MAPKBP1: variants seen among roughly 807,000 people sequenced by gnomAD.
MAPKBP1 encodes the protein mitogen-activated protein kinase binding protein 1.
In MAPKBP1, 71 loss-of-function variants were observed where a neutral mutation model predicts 170.5. That is an observed-to-expected ratio of 0.42 (90% CI 0.34 to 0.51). MAPKBP1 has a LOEUF of 0.51. Ranked by LOEUF, MAPKBP1 falls within the 20% of genes least tolerant of loss-of-function variation. MAPKBP1 has a pLI of 0.06. For missense variants in MAPKBP1, 1,598 were observed against 1,933.0 expected, an observed-to-expected ratio of 0.83 and a Z score of 3.25; for synonymous variants, 719 against 757.9, an observed-to-expected ratio of 0.95 and a Z score of 0.84.
At chr15:41,783,346 T>C (rs937320049) in intron 2 of MAPKBP1, among the ~76,000 whole-genome samples, 1 of 152,060 alleles carries the variant, frequency 6.6e-6, no homozygotes, top group African/African-American at 2.4e-5. Flanking sequence ...CCTCTTCCAG[T>C]TGGGAAAAAA....
At chr15:41,783,213 A>G (rs1176232215) in intron 2 of MAPKBP1, among the ~76,000 whole-genome samples, 2 of 152,204 alleles carry the variant, frequency 1.3e-5, no homozygotes, top group East Asian at 3.9e-4. Flanking sequence ...TTTGTAGCTC[A>G]TGCTCTTGAG....
intron 3 of MAPKBP1, among the ~76,000 whole-genome samples, chr15:41,808,988 C>G (rs1042418208): frequency 6.6e-6 from 1 of 151,590 alleles, no homozygotes; most frequent in Non-Finnish European, 1.5e-5. Flanking sequence ...ATTGCTTGAG[C>G]CCAGGAGGTC....
At chr15:41,811,852 G>A in intron 5 of MAPKBP1, 105 bp from the exon 6 acceptor site, 1 of 1,122,870 alleles carries the variant, frequency 8.9e-7, no homozygotes, top group Non-Finnish European at 1.3e-6. Context: ...GGAAGTGATG[G>A]TATCTAGTAG....
At chr15:41,781,330 C>A (rs911791070) in intron 2 of MAPKBP1, among the ~76,000 whole-genome samples, 1 of 151,994 alleles carries the variant, frequency 6.6e-6, no homozygotes, top group Non-Finnish European at 1.5e-5. Flanking sequence ...CCTGCCTCGG[C>A]CTCCAAAAGT....
intron 3 of MAPKBP1, 197 bp from the exon 4 acceptor site, chr15:41,810,686 C>T (rs1167650271): frequency 2.5e-4 from 139 of 566,022 alleles, no homozygotes; most frequent in Admixed American, 4.2e-4. Context: ...CCACTGCACT[C>T]TGGCTGGGAT....
At chr15:41,819,548 G>GGGT (rs1555454029) in intron 21 of MAPKBP1, 47 bp from the exon 22 acceptor site, 14 of 993,418 alleles carry the variant, frequency 1.4e-5, no homozygotes, top group Middle Eastern at 2.4e-4. Context: ...GTTGGGTGGC[G>GGGT]GGGGGGGGGC....
rs537121387 is a variant in MAPKBP1 at position 41,821,779 on chromosome 15, T to A, written c.2885+29T>A. ...AGGATCCTGCCCTAGCCAGACCCCG[T>A]GCCCCCGTCTTCCCCTCCCTATGAG... On this transcript the variant is annotated intron_variant, in intron 24 of 30. Transcript: ENST00000457542. 105 of 1,612,196 alleles carry A rather than the reference T, an allele frequency of 6.5e-5. No individual in the cohort carries two copies. In the Admixed American group the frequency reaches 8.0e-4, roughly 12 times the overall value.
chr15:41,816,755 G>T (rs1306368453), intron 13 of MAPKBP1, 105 bp downstream of exon 13: 104 of 1,442,850 alleles, frequency 7.2e-5, no homozygotes, highest in Non-Finnish European at 2.2e-5. Flanking sequence ...TGGATCATTG[G>T]TGTCTTTGCT....
intron 9 of MAPKBP1, among the ~76,000 whole-genome samples, chr15:41,814,229 G>A (rs151183094): frequency 9.2e-5 from 14 of 152,344 alleles, no homozygotes; most frequent in Non-Finnish European, 1.6e-4. Context: ...GTCATGGTTC[G>A]TTGTGGTTTG....
chr15:41,777,283 G>T (rs1044795810), intron 2 of MAPKBP1, among the ~76,000 whole-genome samples: 2 of 151,456 alleles, frequency 1.3e-5, no homozygotes, highest in African/African-American at 4.9e-5. Context: ...TGAGGTTGCA[G>T]TGAGCTCAGA....
chr15:41,782,023 C>T (rs569715558), intron 2 of MAPKBP1, among the ~76,000 whole-genome samples: 20 of 147,022 alleles, frequency 1.4e-4, no homozygotes, highest in Non-Finnish European at 2.1e-4. Context: ...CCGAGGCGGG[C>T]GGATCATGAG....
In MAPKBP1 at chr15:41,816,669, A is replaced by T; in HGVS notation, c.1585+19A>T. 1 of 1,606,938 alleles carries T rather than the reference A, an allele frequency of 6.2e-7. No homozygotes were observed. Among genetic ancestry groups the T allele is most frequent in the Non-Finnish European group, 8.5e-7 (1 of 1,174,212 alleles). On this transcript the variant is annotated intron_variant, in intron 13 of 30. Transcript: ENST00000457542. ...GACACAGGTTAGGAGAATGCCCGGA[A>T]TGGCACAGGGCTCCTCCAGTCCTGC...
chr15:41,822,700 A>C (rs2065021257), intron 27 of MAPKBP1, 23 bp downstream of exon 27: 2 of 1,613,030 alleles, frequency 1.2e-6, no homozygotes, highest in Non-Finnish European at 1.7e-6. Context: ...CCTACCCCCC[A>C]GCAGCAGCTC....
rs781101147 is a variant in MAPKBP1 at position 41,789,196 on chromosome 15, G to A, written c.115-10627G>A. ...GTTTAAGAAAATCAGGTGTGTAGAGGAATTAGATCCTTTTGATGACCAGAT... is the reference window on the plus strand; with the variant it reads ...GTTTAAGAAAATCAGGTGTGTAGAGAAATTAGATCCTTTTGATGACCAGAT... On this transcript the variant is annotated intron_variant, in intron 2 of 30. Transcript: ENST00000457542. Among the ~76,000 whole-genome samples, 13 of 152,078 alleles carry A rather than the reference G, an allele frequency of 8.5e-5. 1 individual carries two copies. The highest frequency in any genetic ancestry group is 1.3e-4 in the Non-Finnish European group (9 of 68,020).
At chr15:41,775,135 CTG>C (rs1287663513) in intron 1 of MAPKBP1, 30 bp from the exon 2 acceptor site, 1 of 649,290 alleles carries the variant, frequency 1.5e-6, no homozygotes, top group African/African-American at 1.8e-5. Context: ...AGGTAAGACA[CTG>C]TGATACTAAG....
chr15:41,789,088 C>A (rs1010802194), intron 2 of MAPKBP1, among the ~76,000 whole-genome samples: 1 of 152,036 alleles, frequency 6.6e-6, no homozygotes, highest in East Asian at 1.9e-4. Context: ...CCTTTTTGTT[C>A]CAGGAGACAC....
At chr15:41,819,557 G>GGGGGGGGGGGGA (rs1555454017) in intron 21 of MAPKBP1, 38 bp from the exon 22 acceptor site, 5 of 1,384,798 alleles carry the variant, frequency 3.6e-6, no homozygotes, top group African/African-American at 1.5e-5. Context: ...CGGGGGGGGG[G>GGGGGGGGGGGGA]CAGGAGACAC....
chr15:41,786,569 T>C (rs189251691), intron 2 of MAPKBP1, among the ~76,000 whole-genome samples: 5,095 of 150,818 alleles, frequency 0.034, 300 homozygotes, highest in Admixed American at 0.13. Context: ...TAGAGACCAT[T>C]GTGGCTAACA....
rs1429914730 is a variant in MAPKBP1 at position 41,824,457 on chromosome 15, T to C, written c.4214-27T>C. The C allele has an allele frequency of 4.5e-6, 7 of 1,562,422 alleles. No individual in the cohort carries two copies. The East Asian group carries it at 1.2e-4, about 26-fold the overall frequency. ...GCCTGAAAGGGCTACATGCTGGGCCTCACTGAGCTGTATCCGTCTCTTTCA... is the reference window on the plus strand; with the variant it reads ...GCCTGAAAGGGCTACATGCTGGGCCCCACTGAGCTGTATCCGTCTCTTTCA... On this transcript the variant is annotated intron_variant, in intron 29 of 30. Transcript: ENST00000457542.
Sources: gnomAD v4.1 joint callset for allele counts (sites outside exome capture counted in the v4.1 genomes callset) on GRCh38, gnomAD v4.1.1 for gene constraint, MANE v1.5 for transcripts, NCBI Gene and HGNC (gene_info 2026-07-23, HGNC 2026-07-21) for gene names.